The following FAM83F variants were observed in gnomAD, a reference collection of about 807,000 sequenced individuals.
FAM83F encodes the protein protein FAM83F.
A neutral mutation model predicts 42.9 loss-of-function variants in FAM83F; 45 were observed. The ratio of observed to expected loss-of-function variants is 1.05; its 90% CI spans 0.83 to 1.35. The LOEUF (loss-of-function observed/expected upper bound fraction) is 1.35, where lower values mean the gene tolerates loss of function less well. Among genes scored for constraint, FAM83F ranks in the 40% most tolerant of loss-of-function variants. The pLI is 0.00. For synonymous variants in FAM83F, 306 were observed against 298.3 expected, an observed-to-expected ratio of 1.03 and a Z score of -0.27; for missense variants, 617 against 695.9, an observed-to-expected ratio of 0.89 and a Z score of 1.28.
chr22:40,042,952 T>C lies in FAM83F; in HGVS notation c.*13387T>C, dbSNP rs2067658556. 6.6e-6 allele frequency: 1 copy of C among 152,208 alleles called. No individual in the cohort carries two copies. The highest frequency in any genetic ancestry group is 1.9e-4 in the East Asian group (1 of 5,204). 9.4% of individuals were successfully genotyped at this position (152,208 alleles called of 1,614,324 possible). On this transcript the variant is annotated 3_prime_UTR_variant, in exon 5 of 5. Transcript: ENST00000333407. Reference sequence around the variant, plus strand: ...CCCATACTGGAAGGCTAATATGGGGTATGTGCATACAATTTTAAGGACTCA... The same window carrying C: ...CCCATACTGGAAGGCTAATATGGGGCATGTGCATACAATTTTAAGGACTCA...
chr22:40,007,483 C>A, intron 1 of FAM83F, among the ~76,000 whole-genome samples: 1 of 14,248 alleles, frequency 7.0e-5, no homozygotes, highest in Non-Finnish European at 1.3e-4. Context: ...TCTCCTCCTC[C>A]TCTCCTCTCC....
intron 1 of FAM83F, among the ~76,000 whole-genome samples, chr22:40,012,947 G>T (rs758722461): frequency 4.6e-4 from 67 of 147,226 alleles, no homozygotes; most frequent in Non-Finnish European, 8.5e-4. Context: ...GCCAGGCATG[G>T]TGACGGGCAC....
chr22:40,019,793 C>T, intron 2 of FAM83F, 94 bp from the exon 3 acceptor site: 2 of 1,481,462 alleles, frequency 1.4e-6, no homozygotes, highest in Non-Finnish European at 1.8e-6. Context: ...CAGGCAGGGT[C>T]CATACACAAG....
At chr22:40,019,364 G>T (rs1194227596) in intron 2 of FAM83F, 29 bp downstream of exon 2, 1 of 1,605,808 alleles carries the variant, frequency 6.2e-7, no homozygotes, top group Non-Finnish European at 8.5e-7. Flanking sequence ...GTGGAAAGTG[G>T]ACAGGAGATG....
Position 40,029,724 on chromosome 22 carries a change from A to C in FAM83F, c.*159A>C. 8 of 1,064,070 alleles carry C rather than the reference A, an allele frequency of 7.5e-6. No homozygotes were observed. The highest frequency in any genetic ancestry group is 5.5e-5 in the East Asian group (2 of 36,480). The allele number at this position is 1,064,070 out of a possible 1,614,324, so 65.9% of individuals were successfully genotyped here. ...TGGCCTCAGGGACGCTGGATCCCAA[A>C]TGAGAGGGTCCGAAGCATCTCAGTC... On this transcript the variant is annotated 3_prime_UTR_variant, in exon 5 of 5. Coordinates refer to ENST00000333407, the MANE Select transcript of FAM83F (RefSeq NM_138435.4).
Position 40,019,975 on chromosome 22 carries a change from T to TGG in FAM83F, c.747_748dup (p.Asp250GlyfsTer28), listed in dbSNP as rs776398070. The stretch of plus-strand genomic sequence containing the variant: ...ACCCTGTCATCAAGGTTCCTGATGG[T>TGG]GGACGGTGACAAAGTGGCCACTGGA... On this transcript the variant is annotated frameshift_variant, in exon 3 of 5. Transcript: ENST00000333407. LOFTEE classifies it high-confidence loss of function. 6.2e-7 allele frequency: 1 copy of TGG among 1,613,468 alleles called. No individual in the cohort carries two copies. The highest frequency in any genetic ancestry group is 8.5e-7 in the Non-Finnish European group (1 of 1,179,710).
chr22:39,997,495 T>C (rs1252502705), intron 1 of FAM83F, among the ~76,000 whole-genome samples: 1 of 152,226 alleles, frequency 6.6e-6, no homozygotes, highest in African/African-American at 2.4e-5. Flanking sequence ...TACCTAGCCA[T>C]GAAGAAGATA....
At position 40,030,457 on chromosome 22, in the gene FAM83F, G is replaced by C. The variant is rs2067579905; in HGVS notation, c.*892G>C. On this transcript the variant is annotated 3_prime_UTR_variant, in exon 5 of 5. Coordinates refer to ENST00000333407, the MANE Select transcript of FAM83F (RefSeq NM_138435.4). ...GGGGTGTGGGAGGCTGGGCCCTGAG[G>C]ACAGGAGCATTTGCCTTTTCTCCCT... is the stretch of plus-strand genomic sequence containing the variant. The C allele has an allele frequency of 6.6e-6, 1 of 152,186 alleles. No individual in the cohort carries two copies. The highest frequency in any genetic ancestry group is 1.5e-5 in the Non-Finnish European group (1 of 68,076). 9.4% of individuals were successfully genotyped at this position (152,186 alleles called of 1,614,324 possible).
rs570382172 is a variant in FAM83F at position 40,009,135 on chromosome 22, T to C, written c.490-10033T>C. Among the ~76,000 whole-genome samples the C allele has an allele frequency of 1.1e-4, 17 of 152,186 alleles. No individual in the cohort carries two copies. The South Asian group carries it at 3.5e-3, about 32-fold the overall frequency. ...TCTCATCCGAGCCTTCCAACAGCCC[T>C]TGGGAGGCAGGCAGGGCAGGTGTGG... On this transcript the variant is annotated intron_variant, in intron 1 of 4. Coordinates refer to ENST00000333407, the MANE Select transcript of FAM83F (RefSeq NM_138435.4).
intron 4 of FAM83F, among the ~76,000 whole-genome samples, chr22:40,022,230 T>C (rs1232243516): frequency 6.6e-6 from 1 of 152,226 alleles, no homozygotes; most frequent in South Asian, 2.1e-4. Context: ...AGGCTTGGCA[T>C]GGAGGGGTCT....
intron 4 of FAM83F, among the ~76,000 whole-genome samples, chr22:40,028,887 T>G (rs1413387853): frequency 6.6e-6 from 1 of 152,178 alleles, no homozygotes; most frequent in Non-Finnish European, 1.5e-5. Context: ...AGGCGGCCTG[T>G]GGCGGAAGGA....
chr22:40,014,004 A>G (rs1237680098), intron 1 of FAM83F, among the ~76,000 whole-genome samples: 4 of 151,308 alleles, frequency 2.6e-5, no homozygotes, highest in Non-Finnish European at 5.9e-5. Flanking sequence ...GGATCTGGCA[A>G]TTTTGCTGAA....
At chr22:40,029,376 C>T (rs1209694199) in intron 4 of FAM83F, 140 bp from the exon 5 acceptor site, 1 of 1,248,650 alleles carries the variant, frequency 8.0e-7, no homozygotes, top group Non-Finnish European at 1.1e-6. Flanking sequence ...ACTTGGTTTC[C>T]AGATCAGCAG....
rs1278902069 is a variant in FAM83F, at chr22:39,995,813, C to A, written c.489+282C>A. On this transcript the variant is annotated intron_variant, in intron 1 of 4. Transcript: ENST00000333407. The surrounding 1 kb of genome is among the most constrained non-coding windows in gnomAD (Gnocchi z 4.6). ...GTACTTCTGAAACTTCCCTGTCCAG[C>A]CTTCCTCCCCAGGGAAGACTGGGGG... Among the ~76,000 whole-genome samples, 2 of 152,210 alleles carry A rather than the reference C, an allele frequency of 1.3e-5. No homozygotes were observed. Among genetic ancestry groups the A allele is most frequent in the African/African-American group, 2.4e-5 (1 of 41,462 alleles).
At chr22:40,025,134 A>G (rs772453897) in intron 4 of FAM83F, among the ~76,000 whole-genome samples, 7 of 152,192 alleles carry the variant, frequency 4.6e-5, no homozygotes, top group Non-Finnish European at 7.4e-5. Context: ...TAAACATGCA[A>G]CGAGGCCAGG....
At chr22:40,002,737 T>G (rs1415977154) in intron 1 of FAM83F, among the ~76,000 whole-genome samples, 1 of 152,238 alleles carries the variant, frequency 6.6e-6, no homozygotes, top group Non-Finnish European at 1.5e-5. Flanking sequence ...TTCCACAAAT[T>G]GTTCTGAGAA....
chr22:40,001,962 G>A (rs1031634151), intron 1 of FAM83F, among the ~76,000 whole-genome samples: 3 of 152,154 alleles, frequency 2.0e-5, no homozygotes, highest in African/African-American at 7.2e-5. Flanking sequence ...CCTCCCAGCC[G>A]CTCACTGTAT....
chr22:40,009,977 TGAG>T (rs966260393), intron 1 of FAM83F: 6 of 152,210 alleles, frequency 3.9e-5, no homozygotes, highest in African/African-American at 1.4e-4. Context: ...GGATGTCAGA[TGAG>T]GAGACGTTGA....
chr22:40,011,571 G>A (rs929053991), intron 1 of FAM83F, among the ~76,000 whole-genome samples: 5 of 152,062 alleles, frequency 3.3e-5, no homozygotes, highest in African/African-American at 4.8e-5. Flanking sequence ...GACACATGTC[G>A]CTGAGGCCTG....
Sources: allele counts gnomAD v4.1 joint callset (sites outside exome capture counted in the v4.1 genomes callset), GRCh38; gene constraint gnomAD v4.1.1; non-coding constraint Gnocchi (gnomAD v3.1); transcripts MANE v1.5; gene names NCBI Gene and HGNC (gene_info 2026-07-23, HGNC 2026-07-21).